Variants in EFCAB13 observed in about 807,000 individuals in gnomAD.
EFCAB13 encodes EF-hand calcium binding domain 13.
EFCAB13 carries 91 observed loss-of-function variants against 110.2 expected under a neutral mutation model. The observed-to-expected ratio is 0.83, with a 90% CI of 0.70 to 0.98. EFCAB13 has a LOEUF of 0.98. EFCAB13 is among the 50% of genes least tolerant of loss of function. The pLI is 0.00. For synonymous variants in EFCAB13, 323 were observed against 369.9 expected (o/e 0.87, Z 1.45); for missense variants, 968 against 1,119.4 (o/e 0.86, Z 1.93).
At chr17:47,432,704 G>A (rs1379444921) in intron 24 of EFCAB13, among the ~76,000 whole-genome samples, 1 of 151,848 alleles carries the variant, frequency 6.6e-6, no homozygotes, top group Non-Finnish European at 1.5e-5. Flanking sequence ...TAGCAACATT[G>A]GCTATCTTTT....
intron 16 of EFCAB13, among the ~76,000 whole-genome samples, chr17:47,395,540 C>G (rs2065732371): frequency 6.6e-6 from 1 of 152,062 alleles, no homozygotes; most frequent in African/African-American, 2.4e-5. Flanking sequence ...GAAAATGTTT[C>G]TGAATTCACA....
chr17:47,370,719 T>TTTG lies in EFCAB13; in HGVS notation c.877+226_877+228dup, dbSNP rs1200070238. On this transcript the variant is annotated intron_variant, in intron 11 of 24. Transcript: ENST00000331493. Reference sequence around the variant, plus strand: ...TTTATGCATATTCTTTGCCCAGTTTTTTGTTGTTGTTGTTGTTTGTTTTTT... The same window carrying TTTG: ...TTTATGCATATTCTTTGCCCAGTTTTTTGTTGTTGTTGTTGTTGTTTGTTTTTT... Among the ~76,000 whole-genome samples, 6 of 151,022 alleles carry TTTG rather than the reference T, an allele frequency of 4.0e-5. No individual in the cohort carries two copies. In the South Asian group the frequency reaches 1.0e-3, roughly 26 times the overall value.
rs1421927527 is a variant in EFCAB13, at chr17:47,341,997, A to G, written c.268A>G (p.Ser90Gly). The change falls in exon 6 of 25, where the codon AGT becomes GGT. Residue 90 changes from serine (S) to glycine (G), a missense_variant. By Grantham distance (56) the Ser-to-Gly change is moderately conservative. Transcript: ENST00000331493. ...AGGAGAAAAAAAAGTTGGGAGAAAG[A>G]GTTTACAAGTACAACAGCACAGTAA... Reference protein sequence around the residue: ...FSGEKKVGRKSLQVQQHSKRT... With the variant: ...FSGEKKVGRKGLQVQQHSKRT... 1 of 1,601,604 alleles carries G rather than the reference A, an allele frequency of 6.2e-7. No individual in the cohort carries two copies. The highest frequency in any genetic ancestry group is 8.5e-7 in the Non-Finnish European group (1 of 1,174,782).
At chr17:47,391,128 CAG>C (rs1462298462) in intron 14 of EFCAB13, among the ~76,000 whole-genome samples, 8 of 151,964 alleles carry the variant, frequency 5.3e-5, no homozygotes, top group Non-Finnish European at 1.5e-5. Flanking sequence ...TTTGTGGAGA[CAG>C]GGGTCTTGCT....
chr17:47,401,999 G>T, intron 17 of EFCAB13, 133 bp from the exon 18 acceptor site: 2 of 721,334 alleles, frequency 2.8e-6, no homozygotes, highest in Non-Finnish European at 4.9e-6. Context: ...TTAATCCTTT[G>T]GTTATTCAAA....
At chr17:47,378,515 G>C (rs1331832983) in intron 13 of EFCAB13, among the ~76,000 whole-genome samples, 2 of 152,182 alleles carry the variant, frequency 1.3e-5, no homozygotes, top group East Asian at 3.8e-4. Context: ...ACTGATTGGA[G>C]AATAACATTA....
At chr17:47,429,334 A>C (rs1048824978) in intron 23 of EFCAB13, among the ~76,000 whole-genome samples, 6 of 152,314 alleles carry the variant, frequency 3.9e-5, no homozygotes, top group African/African-American at 1.4e-4. Context: ...AATGCTTCAC[A>C]ATGATTTCAG....
chr17:47,430,120 AGCTTCAT>A, intron 24 of EFCAB13, 159 bp downstream of exon 24: 2 of 1,283,728 alleles, frequency 1.6e-6, no homozygotes, highest in Non-Finnish European at 2.0e-6. Flanking sequence ...GCCAACCCTG[AGCTTCAT>A]GGGGCCAAAC....
chr17:47,414,998 C>G (rs1021096648), intron 23 of EFCAB13, 79 bp downstream of exon 23: 16 of 1,006,754 alleles, frequency 1.6e-5, no homozygotes, highest in Middle Eastern at 5.1e-4. Context: ...AAAGGTCCAA[C>G]AGTGATAGAC....
intron 12 of EFCAB13, among the ~76,000 whole-genome samples, chr17:47,376,054 TC>T (rs2065613679): frequency 6.6e-6 from 1 of 152,216 alleles, no homozygotes; most frequent in South Asian, 2.1e-4. Flanking sequence ...CTTCCTGTAG[TC>T]CTCTGCTGAA....
intron 3 of EFCAB13, 60 bp downstream of exon 3, chr17:47,326,447 C>T (rs1216242716): frequency 6.6e-6 from 1 of 152,166 alleles, no homozygotes; most frequent in Non-Finnish European, 1.5e-5. Context: ...CTCTTTTCCC[C>T]TCCCTCCATA....
intron 22 of EFCAB13, 51 bp from the exon 23 acceptor site, chr17:47,414,797 C>G (rs769776905): frequency 2.5e-6 from 3 of 1,202,056 alleles, no homozygotes; most frequent in Non-Finnish European, 3.6e-6. Context: ...TTTCATGTGC[C>G]AATTCAGTAT....
At chr17:47,405,751 ATC>A (rs1240100906) in intron 20 of EFCAB13, among the ~76,000 whole-genome samples, 2 of 151,478 alleles carry the variant, frequency 1.3e-5, no homozygotes, top group African/African-American at 4.8e-5. Flanking sequence ...ATGTTCTATT[ATC>A]TCTGTTTTTA....
intron 23 of EFCAB13, among the ~76,000 whole-genome samples, chr17:47,422,615 C>A (rs1382981566): frequency 6.6e-6 from 1 of 151,736 alleles, no homozygotes; most frequent in African/African-American, 2.4e-5. Flanking sequence ...TTGCCACAAA[C>A]AATTATAAAA....
intron 9 of EFCAB13, among the ~76,000 whole-genome samples, chr17:47,350,780 T>C (rs1375937132): frequency 6.6e-6 from 1 of 152,146 alleles, no homozygotes; most frequent in East Asian, 1.9e-4. Context: ...GGAAAGGGTA[T>C]TCGTATTAAT....
chr17:47,368,851 AC>A (rs1394661100), intron 10 of EFCAB13, among the ~76,000 whole-genome samples: 2 of 152,204 alleles, frequency 1.3e-5, no homozygotes, highest in African/African-American at 4.8e-5. Flanking sequence ...AATGGGAAAG[AC>A]AACTCTACTA....
rs117090885 is a variant in EFCAB13, at chr17:47,393,485, T to C, written c.1727-540T>C. 2.7e-3 allele frequency among the ~76,000 whole-genome samples: 412 copies of C among 152,262 alleles called. 1 individual carries two copies. The highest frequency in any genetic ancestry group is 4.3e-3 in the Non-Finnish European group (294 of 68,000). On this transcript the variant is annotated intron_variant, in intron 15 of 24. Transcript: ENST00000331493. ...GAGAAAGAAAGCAGCATGATATTCATCCACAGAATGTATACATAAATTGTG... is the reference window on the plus strand; with the variant it reads ...GAGAAAGAAAGCAGCATGATATTCACCCACAGAATGTATACATAAATTGTG...
intron 17 of EFCAB13, among the ~76,000 whole-genome samples, chr17:47,400,854 A>G (rs1486799770): frequency 6.6e-6 from 1 of 152,240 alleles, no homozygotes; most frequent in African/African-American, 2.4e-5. Flanking sequence ...TAAATTGAAG[A>G]CACTTAATTA....
rs770108990 is a variant in EFCAB13, at chr17:47,361,489, TAGA to T, written c.779_781del (p.Glu260del). The T allele has an allele frequency of 1.1e-4, 184 of 1,611,336 alleles. No homozygotes were observed. The highest frequency in any genetic ancestry group is 1.5e-4 in the Non-Finnish European group (175 of 1,178,490). On this transcript the variant is annotated inframe_deletion, in exon 10 of 25. Coordinates refer to ENST00000331493, the MANE Select transcript of EFCAB13 (RefSeq NM_152347.5). ...GGTATCCCTATAAACCGTGAAATTT[TAGA>T]AGAAGTGACAAAACATACCTATATT... is the stretch of plus-strand genomic sequence containing the variant.
Sources: allele counts gnomAD v4.1 joint callset (sites outside exome capture counted in the v4.1 genomes callset), GRCh38; gene constraint gnomAD v4.1.1; transcripts MANE v1.5; gene names NCBI Gene and HGNC (gene_info 2026-07-23, HGNC 2026-07-21).